The following BAP1 variants were observed in gnomAD, a reference collection of about 807,000 sequenced individuals.
BAP1 encodes BRCA1 associated deubiquitinase 1.
A neutral mutation model predicts 77.2 loss-of-function variants in BAP1; 16 were observed. The observed-to-expected ratio is 0.21, with a 90% CI of 0.14 to 0.31. The LOEUF is 0.31. Ranked by LOEUF, BAP1 falls within the 10% of genes least tolerant of loss-of-function variation. BAP1 has a pLI of 1.00. For missense variants in BAP1, 699 were observed against 967.3 expected (o/e 0.72, Z 3.68); for synonymous variants, 362 against 385.2 (o/e 0.94, Z 0.71).
In BAP1 at chr3:52,402,097, T is replaced by C. The variant is rs1053641629; in HGVS notation, c.*191A>G. On this transcript the variant is annotated 3_prime_UTR_variant, in exon 17 of 17. Transcript: ENST00000460680. The surrounding 1 kb of genome is among the most constrained non-coding windows in gnomAD (Gnocchi z 5.3). Reference sequence around the variant, plus strand: ...TCCAGATGCTGCCTCCTGAGCACTATGGGGCTGATCTGCCGTGTCAGGCCT... The same window carrying C: ...TCCAGATGCTGCCTCCTGAGCACTACGGGGCTGATCTGCCGTGTCAGGCCT... 8 of 984,542 alleles carry C rather than the reference T, an allele frequency of 8.1e-6. No homozygotes were observed. In the African/African-American group the frequency reaches 9.8e-5, roughly 12 times the overall value. 61.0% of individuals were successfully genotyped at this position (984,542 alleles called of 1,614,324 possible). A position where few individuals can be genotyped will look rare whatever the true frequency, so the allele number is the denominator to read the frequency against.
rs758890246 is a variant in BAP1, at chr3:52,403,488, G to T, written c.1657C>A (p.Leu553Met). The T allele has an allele frequency of 1.2e-6, 2 of 1,613,894 alleles. No homozygotes were observed. The change falls in exon 13 of 17, where the codon CTG becomes ATG. Residue 553 changes from leucine to methionine, a missense_variant. Leu to Met is a conservative substitution (Grantham distance 15). Coordinates refer to ENST00000460680, the MANE Select transcript of BAP1 (RefSeq NM_004656.4). The surrounding 1 kb of genome is among the most constrained non-coding windows in gnomAD (Gnocchi z 4.0). ...AGGCCTGTGCTGATGACAGGACCCA[G>T]ATCACGGACAGCACGGTTGTAGCGT... is the stretch of plus-strand genomic sequence containing the variant. ...CIRYNRAVRD[L>M]GPVISTGLLH...
At chr3:52,407,517 G>A (rs2153228017) in intron 5 of BAP1, 57 bp from the exon 6 acceptor site, 1 of 1,609,274 alleles carries the variant, frequency 6.2e-7, no homozygotes, top group South Asian at 1.1e-5. Context: ...TAGGACTATG[G>A]GTGGAAGGCA....
In BAP1 at chr3:52,403,313, C is replaced by T; in HGVS notation, c.1730-15G>A. On this transcript the variant is annotated splice_polypyrimidine_tract_variant and intron_variant, in intron 13 of 16. Transcript: ENST00000460680. The surrounding 1 kb of genome is among the most constrained non-coding windows in gnomAD (Gnocchi z 4.0). ...CTTCCCACCCTCTGGGAAGAGAGGT[C>T]ACAAGAAAATCATCAGAGTGCAGGA... 1 of 1,613,454 alleles carries T rather than the reference C, an allele frequency of 6.2e-7. No homozygotes were observed. The highest frequency in any genetic ancestry group is 8.5e-7 in the Non-Finnish European group (1 of 1,180,002).
chr3:52,408,343 G>A, intron 4 of BAP1, 131 bp downstream of exon 4: 1 of 1,432,930 alleles, frequency 7.0e-7, no homozygotes, highest in Non-Finnish European at 9.6e-7. Context: ...AGTTCGTTCT[G>A]CCAGAGGATT....
Position 52,402,319 on chromosome 3 carries a change from C to T in BAP1, c.2159G>A (p.Arg720His), listed in dbSNP as rs776746400. The T allele has an allele frequency of 1.3e-6, 2 of 1,595,786 alleles. No homozygotes were observed. Among genetic ancestry groups the T allele is most frequent in the African/African-American group, 1.3e-5 (1 of 74,960 alleles). Residue 720 changes from arginine to histidine, a missense_variant, in exon 17 of 17, where the codon CGC becomes CAC. Arg to His is a conservative substitution (Grantham distance 29). Transcript: ENST00000460680. The surrounding 1 kb of genome is among the most constrained non-coding windows in gnomAD (Gnocchi z 5.3). Reference protein sequence around the residue: ...HKQRKPDRRKRSRPYKAKRQ With the variant: ...HKQRKPDRRKHSRPYKAKRQ ...GCGCTTGGCCTTGTAGGGGCGAGAG[C>T]GTTTCCGCCGGTCAGGCTTCCGCTG...
At position 52,407,057 on chromosome 3, in the gene BAP1, C is replaced by T. The variant is rs551212747; in HGVS notation, c.580+117G>A. 453 of 1,543,696 alleles carry T rather than the reference C, an allele frequency of 2.9e-4. 5 individuals carry two copies. In the South Asian group the frequency reaches 4.6e-3, roughly 16 times the overall value. On this transcript the variant is annotated intron_variant, in intron 7 of 16. Coordinates refer to ENST00000460680, the MANE Select transcript of BAP1 (RefSeq NM_004656.4). ...TGTAGGGTGAAACCCCAGCCAGAGC[C>T]GGGTGTCGGTACCGACAACCCCTGC...
Position 52,402,096 on chromosome 3 carries a change from A to G in BAP1, c.*192T>C. ...CTCCAGATGCTGCCTCCTGAGCACT[A>G]TGGGGCTGATCTGCCGTGTCAGGCC... On this transcript the variant is annotated 3_prime_UTR_variant, in exon 17 of 17. Coordinates refer to ENST00000460680, the MANE Select transcript of BAP1 (RefSeq NM_004656.4). This position sits in a 1 kb window ranked among gnomAD's most constrained non-coding sequence, Gnocchi z 5.3. The G allele has an allele frequency of 2.1e-6, 2 of 971,366 alleles. No homozygotes were observed. Among genetic ancestry groups the G allele is most frequent in the Non-Finnish European group, 3.0e-6 (2 of 664,678 alleles). The allele number at this position is 971,366 out of a possible 1,614,324, so 60.2% of individuals were successfully genotyped here.
chr3:52,405,905 C>T lies in BAP1; in HGVS notation c.791G>A (p.Arg264Lys). ...TVLEALQQLI[R>K]VTQPELIQTH... ...CTGAATCAGCTCTGGCTGTGTTACT[C>T]TTATCAGCTAACAACAGAATCCAGG... The change falls in exon 10 of 17, where the codon AGA (arginine) becomes AAA (lysine). Residue 264 changes from arginine (R) to lysine (K), a missense_variant. Transcript: ENST00000460680. The T allele has an allele frequency of 1.2e-6, 2 of 1,614,100 alleles. No individual in the cohort carries two copies. Among genetic ancestry groups the T allele is most frequent in the Non-Finnish European group, 1.7e-6 (2 of 1,180,052 alleles).
chr3:52,405,332 G>A lies in BAP1; in HGVS notation c.932-38C>T, dbSNP rs200846682. ...AAGAACACAGGCAGGACCTCCAGTA[G>A]GATCTCCAAGAAAAGCTCACAGTCT... On this transcript the variant is annotated intron_variant, in intron 10 of 16. Coordinates refer to ENST00000460680, the MANE Select transcript of BAP1 (RefSeq NM_004656.4). The A allele has an allele frequency of 3.5e-4, 563 of 1,611,152 alleles. 1 individual carries two copies. Among genetic ancestry groups the A allele is most frequent in the Non-Finnish European group, 4.4e-4 (523 of 1,179,578 alleles).
rs117382883 is a variant in BAP1, at chr3:52,408,045, C to T, written c.288G>A (p.Leu96=). Reference sequence around the variant, plus strand: ...TGCTGCAGTTCAGGAGCACGCTCAGCAAGGCATGAGTTGCACAAGAGTTGG... The same window carrying T: ...TGCTGCAGTTCAGGAGCACGCTCAGTAAGGCATGAGTTGCACAAGAGTTGG... ...LIPNSCATHA[L]LSVLLNCSSV... is the part of the protein sequence containing the mutation. The change falls in exon 5 of 17, where the codon TTG becomes TTA. Residue 96 remains leucine (L), a synonymous_variant. Transcript: ENST00000460680. 3.7e-4 allele frequency: 589 copies of T among 1,612,360 alleles called. 7 individuals carry two copies. The East Asian group carries it at 0.01, about 28-fold the overall frequency.
In BAP1 at chr3:52,403,131, G is replaced by A. The variant is rs1284419505; in HGVS notation, c.1890+7C>T. 3.1e-6 allele frequency: 5 copies of A among 1,612,700 alleles called. No individual in the cohort carries two copies. The South Asian group carries it at 4.4e-5, about 14-fold the overall frequency. Reference sequence around the variant, plus strand: ...GATTAAAGGAGAAAACCACAACGGAGGCTCACCTTGGGTGAGTATTTCTCC... The same window carrying A: ...GATTAAAGGAGAAAACCACAACGGAAGCTCACCTTGGGTGAGTATTTCTCC... On this transcript the variant is annotated splice_region_variant and intron_variant, in intron 14 of 16. Transcript: ENST00000460680. This position sits in a 1 kb window ranked among gnomAD's most constrained non-coding sequence, Gnocchi z 4.0.
intron 7 of BAP1, 112 bp downstream of exon 7, chr3:52,407,062 G>A: frequency 1.3e-6 from 2 of 1,563,194 alleles, no homozygotes; most frequent in Non-Finnish European, 1.7e-6. Context: ...AGAGCCGGGT[G>A]TCGGTACCGA....
In BAP1 at chr3:52,406,528, C is replaced by T; in HGVS notation, c.660-152G>A. 8.2e-7 allele frequency: 1 copy of T among 1,216,918 alleles called. No individual in the cohort carries two copies. The highest frequency in any genetic ancestry group is 1.2e-6 in the Non-Finnish European group (1 of 859,962). 75.4% of individuals were successfully genotyped at this position (1,216,918 alleles called of 1,614,324 possible). A position where few individuals can be genotyped will look rare whatever the true frequency, so the allele number is the denominator to read the frequency against. On this transcript the variant is annotated intron_variant, in intron 8 of 16. Transcript: ENST00000460680. This position sits in a 1 kb window ranked among gnomAD's most constrained non-coding sequence, Gnocchi z 4.6. ...GGCAGGCAGCGACTAGCCATACATG[C>T]CAGGCACCTGAGCTGGTACCTTCCA... is the stretch of plus-strand genomic sequence containing the variant.
chr3:52,408,867 T>A (rs1360492173), intron 3 of BAP1, among the ~76,000 whole-genome samples: 1 of 152,200 alleles, frequency 6.6e-6, no homozygotes, highest in East Asian at 1.9e-4. Flanking sequence ...TTATGAAGTC[T>A]ATAGTTCTGG....
In BAP1 at chr3:52,409,995, C is replaced by T; in HGVS notation, c.-117G>A. 1 of 1,447,126 alleles carries T rather than the reference C, an allele frequency of 6.9e-7. No homozygotes were observed. Among genetic ancestry groups the T allele is most frequent in the Non-Finnish European group, 9.3e-7 (1 of 1,073,828 alleles). 89.6% of individuals were successfully genotyped at this position (1,447,126 alleles called of 1,614,324 possible). A position where few individuals can be genotyped will look rare whatever the true frequency, so the allele number is the denominator to read the frequency against. ...CAGTCCCACACACAGACAACGGGCC[C>T]AGTCGCGTCACCCGCCCGCGCCGGC... On this transcript the variant is annotated 5_prime_UTR_variant, in exon 1 of 17. Coordinates refer to ENST00000460680, the MANE Select transcript of BAP1 (RefSeq NM_004656.4).
rs748022925 is a variant in BAP1, at chr3:52,402,285, T to C, written c.*3A>G. 1 of 1,601,340 alleles carries C rather than the reference T, an allele frequency of 6.2e-7. No homozygotes were observed. The highest frequency in any genetic ancestry group is 8.5e-7 in the Non-Finnish European group (1 of 1,175,560). On this transcript the variant is annotated 3_prime_UTR_variant, in exon 17 of 17. Coordinates refer to ENST00000460680, the MANE Select transcript of BAP1 (RefSeq NM_004656.4). This position sits in a 1 kb window ranked among gnomAD's most constrained non-coding sequence, Gnocchi z 5.3. ...TGGGCTGCAGAGTCAGGGCCAGCAG[T>C]CCTCACTGGCGCTTGGCCTTGTAGG... is the stretch of plus-strand genomic sequence containing the variant.
chr3:52,404,369 A>G, intron 12 of BAP1, 84 bp downstream of exon 12: 1 of 1,603,806 alleles, frequency 6.2e-7, no homozygotes, highest in Non-Finnish European at 8.5e-7. Context: ...TATCTGCTGC[A>G]GGGCATTCTC....
At chr3:52,404,683 G>A (rs1176526208) in intron 11 of BAP1, 97 bp from the exon 12 acceptor site, 3 of 1,520,742 alleles carry the variant, frequency 2.0e-6, no homozygotes, top group African/African-American at 1.4e-5. Context: ...TGGTTTTCCA[G>A]ACTGAGTCAG....
chr3:52,408,282 C>T (rs984445047), intron 4 of BAP1, among the ~76,000 whole-genome samples, 192 bp downstream of exon 4: 6 of 152,230 alleles, frequency 3.9e-5, no homozygotes, highest in Admixed American at 2.6e-4. Flanking sequence ...AGAGAGTGGA[C>T]TCAGACACCC....
Sources: gnomAD v4.1 joint callset for allele counts (sites outside exome capture counted in the v4.1 genomes callset) on GRCh38, gnomAD v4.1.1 for gene constraint, Gnocchi (gnomAD v3.1) non-coding constraint, MANE v1.5 for transcripts, NCBI Gene and HGNC (gene_info 2026-07-23, HGNC 2026-07-21) for gene names.